The following RBPJ variants were observed in gnomAD, a reference collection of about 807,000 sequenced individuals.
RBPJ encodes the protein recombining binding protein suppressor of hairless.
A neutral mutation model predicts 67.8 loss-of-function variants in RBPJ; 9 were observed. The observed-to-expected ratio is 0.13, with a 90% CI of 0.08 to 0.23. RBPJ has a LOEUF of 0.23. Among genes scored for constraint, RBPJ ranks in the 10% least tolerant of loss-of-function variants. RBPJ has a pLI of 1.00. For missense variants in RBPJ, 305 were observed against 595.6 expected (o/e 0.51, Z 5.08); for synonymous variants, 198 against 203.3 (o/e 0.97, Z 0.22).
the RBPJ span, among the ~76,000 whole-genome samples, chr4:26,148,094 A>C: frequency 6.6e-6 from 1 of 152,192 alleles, no homozygotes; most frequent in Non-Finnish European, 1.5e-5. Flanking sequence ...AAAGAAGAAG[A>C]AGATTTGGAA....
the RBPJ span, among the ~76,000 whole-genome samples, chr4:26,116,268 T>A: frequency 6.6e-6 from 1 of 152,212 alleles, no homozygotes; most frequent in Non-Finnish European, 1.5e-5. Flanking sequence ...CGGGCAGGGA[T>A]GATGTCAGAA....
chr4:26,322,114 C>G (rs745462327), intron 1 of RBPJ: 5 of 152,784 alleles, frequency 3.3e-5, no homozygotes, highest in Non-Finnish European at 4.4e-5. Context: ...CCCCGCCCCC[C>G]TCCTGGTTCC....
At chr4:26,221,160 G>C (rs1013413432) in intron 1 of RBPJ, among the ~76,000 whole-genome samples, 4 of 152,082 alleles carry the variant, frequency 2.6e-5, no homozygotes, top group Non-Finnish European at 5.9e-5. Context: ...GCGCGATCTC[G>C]GCTCACTGCA....
the RBPJ span, among the ~76,000 whole-genome samples, chr4:26,134,589 A>G: frequency 5.3e-5 from 8 of 152,242 alleles, no homozygotes; most frequent in Non-Finnish European, 1.2e-4. Flanking sequence ...TGCTCCCTGC[A>G]AATGCAACTT....
At chr4:26,241,398 C>T (rs916291379) in intron 1 of RBPJ, among the ~76,000 whole-genome samples, 3 of 152,070 alleles carry the variant, frequency 2.0e-5, no homozygotes, top group East Asian at 1.9e-4. Context: ...GAAGAAAATT[C>T]CAGGCAAACT....
intron 1 of RBPJ, among the ~76,000 whole-genome samples, chr4:26,280,158 G>A (rs1482511698): frequency 6.6e-6 from 1 of 151,422 alleles, no homozygotes; most frequent in Admixed American, 6.6e-5. Context: ...ACTTTGGGAG[G>A]CCGAGGTGGA....
At chr4:26,361,499 A>T (rs1391999167) in intron 1 of RBPJ, among the ~76,000 whole-genome samples, 2 of 152,016 alleles carry the variant, frequency 1.3e-5, no homozygotes, top group African/African-American at 4.8e-5. Context: ...TATTCTTTAC[A>T]CAAGCTGTTC....
chr4:26,346,478 C>T (rs1044933061), intron 1 of RBPJ, among the ~76,000 whole-genome samples: 4 of 152,084 alleles, frequency 2.6e-5, no homozygotes, highest in Non-Finnish European at 4.4e-5. Context: ...ACATGGCTGA[C>T]AAAGAGAAGG....
intron 1 of RBPJ, among the ~76,000 whole-genome samples, chr4:26,249,934 T>C (rs1720050795): frequency 6.6e-6 from 1 of 151,540 alleles, no homozygotes; most frequent in East Asian, 2.0e-4. Flanking sequence ...TACAGGCATC[T>C]GCCACCATGC....
intron 2 of RBPJ, among the ~76,000 whole-genome samples, chr4:26,403,232 A>AT (rs11288388): frequency 0.011 from 1,613 of 145,326 alleles, 6 homozygotes; most frequent in African/African-American, 0.015. Context: ...AAAGGGATGG[A>AT]TTTTTTTTTT....
intron 1 of RBPJ, among the ~76,000 whole-genome samples, chr4:26,337,550 G>A (rs1724988332): frequency 6.7e-6 from 1 of 150,338 alleles, no homozygotes; most frequent in African/African-American, 2.5e-5. Flanking sequence ...TTATACTGCT[G>A]CCACAAACAT....
chr4:26,403,710 T>C (rs1733091636), intron 2 of RBPJ, among the ~76,000 whole-genome samples: 1 of 152,202 alleles, frequency 6.6e-6, no homozygotes, highest in African/African-American at 2.4e-5. Flanking sequence ...ACAAAAGACA[T>C]GCTCTCATTT....
intron 1 of RBPJ, among the ~76,000 whole-genome samples, chr4:26,331,540 G>T (rs1724259714): frequency 6.6e-6 from 1 of 152,162 alleles, no homozygotes. Flanking sequence ...TGGGTAGAGT[G>T]CGGCGGCCAG....
chr4:26,254,328 A>T (rs1720220780), intron 1 of RBPJ, among the ~76,000 whole-genome samples: 1 of 148,900 alleles, frequency 6.7e-6, no homozygotes, highest in East Asian at 1.9e-4. Context: ...TCCTACCTCC[A>T]TGTACACGAC....
At chr4:26,171,706 G>A (rs1178251132) in intron 1 of RBPJ, among the ~76,000 whole-genome samples, 2 of 152,158 alleles carry the variant, frequency 1.3e-5, no homozygotes. Context: ...CATCTGTCTG[G>A]GTCCTTTATT....
chr4:26,288,269 T>A (rs1721545628), intron 1 of RBPJ, among the ~76,000 whole-genome samples: 2 of 152,182 alleles, frequency 1.3e-5, no homozygotes, highest in Admixed American at 6.5e-5. Context: ...GGGATTGTAG[T>A]CAAGAAGTTG....
chr4:26,164,211 T>A (rs938669364), intron 1 of RBPJ, among the ~76,000 whole-genome samples: 5 of 152,206 alleles, frequency 3.3e-5, no homozygotes, highest in African/African-American at 1.2e-4. Context: ...TCTTCAACAT[T>A]GTAATTTAGC....
chr4:26,313,246 TCTATGCCTGGTGCAGTGG>T (rs1261139666), intron 1 of RBPJ, among the ~76,000 whole-genome samples: 5 of 152,160 alleles, frequency 3.3e-5, no homozygotes, highest in Non-Finnish European at 5.9e-5. Context: ...AGAAAATAAT[TCTATGCCTGGTGCAGTGG>T]CTCATGCCTG....
chr4:26,286,922 G>T (rs1161747385), intron 1 of RBPJ, among the ~76,000 whole-genome samples: 1 of 151,880 alleles, frequency 6.6e-6, no homozygotes, highest in African/African-American at 2.4e-5. Flanking sequence ...AAGTAGCTGG[G>T]ATCACGGGGA....
Sources: gnomAD v4.1 joint callset for allele counts (sites outside exome capture counted in the v4.1 genomes callset) on GRCh38, gnomAD v4.1.1 for gene constraint, MANE v1.5 for transcripts, NCBI Gene and HGNC (gene_info 2026-07-23, HGNC 2026-07-21) for gene names.